The following RB1 variants were observed in gnomAD, a reference collection of about 807,000 sequenced individuals.
RB1 encodes the protein retinoblastoma-associated protein.
In RB1, 18 loss-of-function variants were observed where a neutral mutation model predicts 135.4. The ratio of observed to expected loss-of-function variants is 0.13; its 90% confidence interval spans 0.09 to 0.20. The LOEUF (loss-of-function observed/expected upper bound fraction) is 0.20, where lower values mean the gene tolerates loss of function less well. RB1 is among the 10% of genes least tolerant of loss of function. The pLI is 1.00. For synonymous variants in RB1, 365 were observed against 373.2 expected, an observed-to-expected ratio of 0.98 and a Z score of 0.25; for missense variants, 868 against 1,110.0, an observed-to-expected ratio of 0.78 and a Z score of 3.10.
At chr13:48,438,163 C>A (rs1403089817) in intron 17 of RB1, among the ~76,000 whole-genome samples, 1 of 152,146 alleles carries the variant, frequency 6.6e-6, no homozygotes, top group East Asian at 1.9e-4. Flanking sequence ...GCTATGAAAT[C>A]TGTATTTTAG....
intron 18 of RB1, 50 bp from the exon 19 acceptor site, chr13:48,456,154 G>A: frequency 1.2e-6 from 2 of 1,609,746 alleles, no homozygotes; most frequent in Non-Finnish European, 1.7e-6. Context: ...TGTATAATCT[G>A]TGATTCTTAG....
At chr13:48,332,324 G>A (rs746545433) in intron 2 of RB1, among the ~76,000 whole-genome samples, 11 of 152,154 alleles carry the variant, frequency 7.2e-5, no homozygotes, top group South Asian at 2.1e-4. Context: ...ATCCCAGCAC[G>A]TTTGGAGACC....
chr13:48,429,162 A>C (rs1231319609), intron 17 of RB1: 1 of 152,242 alleles, frequency 6.6e-6, no homozygotes, highest in East Asian at 1.9e-4. Flanking sequence ...GTTTTAGTCA[A>C]ACCAAGTTCG....
intron 20 of RB1, among the ~76,000 whole-genome samples, chr13:48,460,576 C>T (rs1264693386): frequency 1.3e-5 from 2 of 152,100 alleles, no homozygotes; most frequent in Admixed American, 6.5e-5. Context: ...AAAACAATAC[C>T]TATTGAATGA....
At chr13:48,402,666 C>T (rs1028882451) in intron 17 of RB1, among the ~76,000 whole-genome samples, 2 of 152,106 alleles carry the variant, frequency 1.3e-5, no homozygotes, top group Non-Finnish European at 2.9e-5. Context: ...TGAGCTGCCA[C>T]TCTTGGCCTA....
chr13:48,411,991 T>C (rs1231948194), intron 17 of RB1: 1 of 1,606,970 alleles, frequency 6.2e-7, no homozygotes, highest in Non-Finnish European at 8.5e-7. Context: ...CTTCCTCCGA[T>C]CACAGTTAAC....
At chr13:48,452,717 G>A (rs1043974002) in intron 17 of RB1, among the ~76,000 whole-genome samples, 5 of 151,032 alleles carry the variant, frequency 3.3e-5, no homozygotes, top group African/African-American at 1.2e-4. Context: ...CACTTTCTTC[G>A]TTTTTTTTCT....
intron 2 of RB1, among the ~76,000 whole-genome samples, chr13:48,339,852 A>G (rs935698042): frequency 2.6e-5 from 4 of 152,286 alleles, no homozygotes; most frequent in East Asian, 1.9e-4. Flanking sequence ...AGTGAATCCA[A>G]TGACTTTTTT....
In RB1 at chr13:48,417,975, G is replaced by A. The variant is rs190705099; in HGVS notation, c.1696-35018G>A. Among the ~76,000 whole-genome samples the A allele has an allele frequency of 4.9e-3, 743 of 152,300 alleles. 5 individuals carry two copies. The highest frequency in any genetic ancestry group is 7.2e-3 in the Non-Finnish European group (487 of 68,032). ...ACACTCTTCAGGATATTATCCAGGA[G>A]AATTTCCCCAACCTAGCACGACAGG... On this transcript the variant is annotated intron_variant, in intron 17 of 26. Transcript: ENST00000267163.
chr13:48,304,588 C>G (rs899891792), intron 1 of RB1, among the ~76,000 whole-genome samples: 2 of 152,016 alleles, frequency 1.3e-5, no homozygotes, highest in South Asian at 2.1e-4. Flanking sequence ...TGTCCATTGC[C>G]CACAGGATAC....
At chr13:48,473,252 C>A in intron 23 of RB1, 108 bp from the exon 24 acceptor site, 1 of 867,628 alleles carries the variant, frequency 1.2e-6, no homozygotes, top group Non-Finnish European at 1.9e-6. Flanking sequence ...GTAGAGGTAA[C>A]CTTTAATTTG....
chr13:48,476,673 TTAAAG>T (rs779680713), intron 24 of RB1, 23 bp from the exon 25 acceptor site: 2 of 1,605,762 alleles, frequency 1.2e-6, no homozygotes, highest in South Asian at 1.1e-5. Context: ...ATTTAATGAT[TTAAAG>T]TAAAGAATTC....
chr13:48,336,471 G>GT (rs1403942868), intron 2 of RB1, among the ~76,000 whole-genome samples: 1 of 152,006 alleles, frequency 6.6e-6, no homozygotes, highest in Non-Finnish European at 1.5e-5. Context: ...GTTTATTTGC[G>GT]TAGAGGTGTT....
chr13:48,378,605 G>A (rs2138139132), intron 13 of RB1, among the ~76,000 whole-genome samples: 1 of 151,602 alleles, frequency 6.6e-6, no homozygotes, highest in South Asian at 2.1e-4. Context: ...ACAAGTAGAA[G>A]GAGGATGCTC....
At chr13:48,317,332 C>G (rs1289052790) in intron 2 of RB1, 1 of 391,230 alleles carries the variant, frequency 2.6e-6, no homozygotes, top group African/African-American at 2.0e-5. Context: ...CTTGTCTTTC[C>G]CGCTCCCGAC....
intron 17 of RB1, among the ~76,000 whole-genome samples, chr13:48,401,900 C>CT (rs1328559493): frequency 6.6e-6 from 1 of 152,146 alleles, no homozygotes; most frequent in Non-Finnish European, 1.5e-5. Context: ...TCTTCAAAGA[C>CT]TAACATAAAT....
chr13:48,317,926 G>T, intron 2 of RB1: 1 of 419,836 alleles, frequency 2.4e-6, no homozygotes, highest in Non-Finnish European at 4.5e-6. Context: ...CTGAACTTCT[G>T]AACTGCTCAG....
At chr13:48,354,380 G>A (rs1952573051) in intron 6 of RB1, among the ~76,000 whole-genome samples, 1 of 151,976 alleles carries the variant, frequency 6.6e-6, no homozygotes, top group Non-Finnish European at 1.5e-5. Flanking sequence ...CCACAGAAGT[G>A]AAAGATCTCT....
intron 4 of RB1, among the ~76,000 whole-genome samples, chr13:48,345,565 C>G (rs1401930491): frequency 6.6e-6 from 1 of 152,134 alleles, no homozygotes; most frequent in East Asian, 1.9e-4. Context: ...AAAACACTTG[C>G]AATGGATGGT....
Sources: gnomAD v4.1 joint callset for allele counts (sites outside exome capture counted in the v4.1 genomes callset) on GRCh38, gnomAD v4.1.1 for gene constraint, MANE v1.5 for transcripts, NCBI Gene and HGNC (gene_info 2026-07-23, HGNC 2026-07-21) for gene names.